KCNT2: variants seen among roughly 807,000 people sequenced by gnomAD.
KCNT2 encodes the protein potassium channel subfamily T member 2.
KCNT2 carries 67 observed loss-of-function variants against 153.8 expected under a neutral mutation model. The ratio of observed to expected loss-of-function variants is 0.44; its 90% CI spans 0.36 to 0.53. The LOEUF is 0.53. KCNT2 is among the 20% of genes least tolerant of loss of function. The probability of loss-of-function intolerance (pLI) is 0.00; values close to 1 mark genes in which losing one functional copy is unlikely to be tolerated. For missense variants in KCNT2, 975 were observed against 1,354.8 expected (o/e 0.72, Z 4.40); for synonymous variants, 500 against 458.8 (o/e 1.09, Z -1.15).
At chr1:196,503,777 T>G (rs1680890884) in intron 1 of KCNT2, among the ~76,000 whole-genome samples, 1 of 152,090 alleles carries the variant, frequency 6.6e-6, no homozygotes, top group Non-Finnish European at 1.5e-5. Context: ...AGCACTTTCT[T>G]TTTTTTAACT....
intron 1 of KCNT2, among the ~76,000 whole-genome samples, chr1:196,545,668 A>G (rs1656974488): frequency 1.3e-5 from 2 of 152,004 alleles, no homozygotes; most frequent in South Asian, 4.1e-4. Flanking sequence ...GGATATTTTC[A>G]GCACCCCAAA....
At chr1:196,423,512 A>C (rs1259230779) in intron 11 of KCNT2, among the ~76,000 whole-genome samples, 1 of 151,836 alleles carries the variant, frequency 6.6e-6, no homozygotes. Flanking sequence ...CTCTGTATTC[A>C]TAAGTAAAAC....
chr1:196,254,445 A>T (rs1044994755), intron 26 of KCNT2, among the ~76,000 whole-genome samples: 13 of 151,584 alleles, frequency 8.6e-5, no homozygotes, highest in African/African-American at 2.9e-4. Context: ...CATGATCTCA[A>T]ATACTTGTAT....
chr1:196,296,295 TAGTC>T (rs1205206916), intron 22 of KCNT2, among the ~76,000 whole-genome samples: 1 of 151,698 alleles, frequency 6.6e-6, no homozygotes, highest in Non-Finnish European at 1.5e-5. Context: ...AAAAATGAAA[TAGTC>T]AAAGAAGCCA....
chr1:196,512,672 T>C (rs1332493683), intron 1 of KCNT2, among the ~76,000 whole-genome samples: 1 of 152,166 alleles, frequency 6.6e-6, no homozygotes, highest in Non-Finnish European at 1.5e-5. Flanking sequence ...ACACTAGCAA[T>C]AGTGACCTAA....
At chr1:196,493,192 T>G (rs1480744564) in intron 1 of KCNT2, among the ~76,000 whole-genome samples, 1 of 152,200 alleles carries the variant, frequency 6.6e-6, no homozygotes, top group Admixed American at 6.5e-5. Flanking sequence ...AATATATTCA[T>G]TATGAGTTAG....
Position 196,593,341 on chromosome 1 carries a change from CAT to C in KCNT2, c.95+14872_95+14873del, listed in dbSNP as rs1558116889. On this transcript the variant is annotated intron_variant, in intron 1 of 27. Coordinates refer to ENST00000294725, the MANE Select transcript of KCNT2 (RefSeq NM_198503.5). ...ACACACACACACACACACACACACA[CAT>C]ATATATGTGTATATATGTATTTTTT... Among the ~76,000 whole-genome samples, 62 of 142,568 alleles carry C rather than the reference CAT, an allele frequency of 4.3e-4. 1 individual carries two copies. Among genetic ancestry groups the C allele is most frequent in the Admixed American group, 1.3e-3 (18 of 14,196 alleles). The allele number at this position is 142,568 out of a possible 152,430, so 93.5% of individuals were successfully genotyped here.
chr1:196,421,863 T>A (rs947329293), intron 12 of KCNT2, among the ~76,000 whole-genome samples: 4 of 152,050 alleles, frequency 2.6e-5, no homozygotes, highest in Admixed American at 2.6e-4. Context: ...CCTCTCTCCT[T>A]GGCATGTATA....
intron 5 of KCNT2, among the ~76,000 whole-genome samples, chr1:196,476,500 A>T (rs576881257): frequency 6.6e-6 from 1 of 152,240 alleles, no homozygotes; most frequent in African/African-American, 2.4e-5. Context: ...ACCCTTCTTC[A>T]TTATCTTCAT....
At chr1:196,339,518 C>CAGAG (rs1456186234) in intron 16 of KCNT2, among the ~76,000 whole-genome samples, 34 of 100,356 alleles carry the variant, frequency 3.4e-4, no homozygotes, top group African/African-American at 1.1e-3. Flanking sequence ...CACACACACA[C>CAGAG]ACAGAGAGAG....
intron 1 of KCNT2, among the ~76,000 whole-genome samples, chr1:196,526,897 CAGACT>C (rs1654297565): frequency 6.6e-6 from 1 of 152,162 alleles, no homozygotes. Flanking sequence ...CCCCATGCCT[CAGACT>C]AGTACCAGTC....
At chr1:196,460,316 T>C (rs1044504444) in intron 8 of KCNT2, among the ~76,000 whole-genome samples, 1 of 151,820 alleles carries the variant, frequency 6.6e-6, no homozygotes, top group African/African-American at 2.4e-5. Context: ...GTCCTTCTTA[T>C]GACCTCACAC....
Position 196,495,801 on chromosome 1 carries a change from T to G in KCNT2, c.96-3460A>C, listed in dbSNP as rs6675323. ...TATTCAAATACCATAATAGCAATTT[T>G]ATTTGATTTAAAAAGATACTGGAAT... is the stretch of plus-strand genomic sequence containing the variant. On this transcript the variant is annotated intron_variant, in intron 1 of 27. Transcript: ENST00000294725. Among the ~76,000 whole-genome samples the G allele has an allele frequency of 4.4e-3, 675 of 152,324 alleles. 5 individuals are homozygous for G. Among genetic ancestry groups the G allele is most frequent in the African/African-American group, 0.016 (659 of 41,572 alleles).
At chr1:196,474,143 T>C (rs532936974) in intron 5 of KCNT2, among the ~76,000 whole-genome samples, 47 of 152,212 alleles carry the variant, frequency 3.1e-4, no homozygotes, top group South Asian at 2.1e-3. Flanking sequence ...CAGAAAAATA[T>C]GCGATTTTCT....
chr1:196,305,433 C>T, intron 21 of KCNT2, 88 bp from the exon 22 acceptor site: 1 of 713,192 alleles, frequency 1.4e-6, no homozygotes, highest in Non-Finnish European at 2.5e-6. Context: ...TGATTCCTAG[C>T]CTTGGGCATA....
chr1:196,409,744 T>C (rs1370674637), intron 12 of KCNT2, among the ~76,000 whole-genome samples: 1 of 151,726 alleles, frequency 6.6e-6, no homozygotes. Context: ...TTGTGAATAA[T>C]ACTGCAATGA....
chr1:196,433,369 G>A (rs2148556021), intron 8 of KCNT2, among the ~76,000 whole-genome samples: 1 of 152,156 alleles, frequency 6.6e-6, no homozygotes, highest in Non-Finnish European at 1.5e-5. Flanking sequence ...AGTGAAAGAA[G>A]TCAGATATAA....
At chr1:196,335,036 A>G (rs559094079) in intron 16 of KCNT2, among the ~76,000 whole-genome samples, 3 of 152,132 alleles carry the variant, frequency 2.0e-5, no homozygotes, top group Non-Finnish European at 4.4e-5. Context: ...CCCTTTGTGA[A>G]TTTTATTGAA....
At chr1:196,263,476 C>A (rs1382318264) in intron 25 of KCNT2, among the ~76,000 whole-genome samples, 1 of 151,858 alleles carries the variant, frequency 6.6e-6, no homozygotes. Flanking sequence ...TCACACACTG[C>A]GCCCTGTCAT....
Sources: allele counts gnomAD v4.1 joint callset (sites outside exome capture counted in the v4.1 genomes callset), GRCh38; gene constraint gnomAD v4.1.1; transcripts MANE v1.5; gene names NCBI Gene and HGNC (gene_info 2026-07-23, HGNC 2026-07-21).